Variants in MAP2K5 observed in about 807,000 individuals in gnomAD.
MAP2K5 encodes dual specificity mitogen-activated protein kinase kinase 5.
Under a neutral mutation model 83.1 loss-of-function variants are expected in MAP2K5, and 49 were observed. The ratio of observed to expected loss-of-function variants is 0.59; its 90% CI spans 0.47 to 0.75. The LOEUF is 0.75. Ranked by LOEUF, MAP2K5 falls within the 30% of genes least tolerant of loss-of-function variation. The pLI, the probability that MAP2K5 is intolerant of heterozygous loss-of-function variation, is 0.00. For synonymous variants in MAP2K5, 202 were observed against 191.8 expected (o/e 1.05, Z -0.44); for missense variants, 457 against 557.5 (o/e 0.82, Z 1.82).
At position 67,801,026 on chromosome 15, in the gene MAP2K5, TTTC is replaced by T. The variant is rs1424440196; in HGVS notation, c.1243-5617_1243-5615del. 1.5e-4 allele frequency among the ~76,000 whole-genome samples: 23 copies of T among 152,300 alleles called. No individual in the cohort carries two copies. Among genetic ancestry groups the T allele is most frequent in the Admixed American group, 1.3e-3 (20 of 15,302 alleles). On this transcript the variant is annotated intron_variant, in intron 21 of 21. Coordinates refer to ENST00000178640, the MANE Select transcript of MAP2K5 (RefSeq NM_145160.3). This position sits in a 1 kb window ranked among gnomAD's most constrained non-coding sequence, Gnocchi z 4.8. Reference sequence around the variant, plus strand: ...CGTTTTTAAAACTGTAGCTAAAAATTTTCTTAACAGAATTTGAAACCGCTGCAG... The same window carrying T: ...CGTTTTTAAAACTGTAGCTAAAAATTTTAACAGAATTTGAAACCGCTGCAG...
At position 67,549,382 on chromosome 15, in the gene MAP2K5, G is replaced by A. The variant is rs2084462932; in HGVS notation, c.136-652G>A. 2.0e-5 allele frequency among the ~76,000 whole-genome samples: 3 copies of A among 152,178 alleles called. 1 individual carries two copies. The South Asian group carries it at 6.2e-4, about 31-fold the overall frequency. ...ATTAAGTATGTTTTCTGTTGCTTAA[G>A]AGTAAAGGTTGATAAGAACTGTTTG... On this transcript the variant is annotated intron_variant, in intron 1 of 21. Transcript: ENST00000178640.
At chr15:67,731,991 CG>C (rs1219465273) in intron 17 of MAP2K5, among the ~76,000 whole-genome samples, 1 of 152,138 alleles carries the variant, frequency 6.6e-6, no homozygotes, top group Admixed American at 6.5e-5. Flanking sequence ...AGCAGAGTAA[CG>C]GGAGATCCAG....
rs965304066 is a variant in MAP2K5 at position 67,802,400 on chromosome 15, G to A, written c.1243-4246G>A. ...TGCCCAGGTGATGCCGGCACCTCCC[G>A]ACTCTCCCCTGTGTCCCACTTTTGG... On this transcript the variant is annotated intron_variant, in intron 21 of 21. Transcript: ENST00000178640. The surrounding 1 kb of genome is among the most constrained non-coding windows in gnomAD (Gnocchi z 5.0). Among the ~76,000 whole-genome samples the A allele has an allele frequency of 2.6e-5, 4 of 152,196 alleles. No individual in the cohort carries two copies. The highest frequency in any genetic ancestry group is 4.8e-5 in the African/African-American group (2 of 41,446).
In MAP2K5 at chr15:67,698,453, G is replaced by A. The variant is rs2088321337; in HGVS notation, c.973-4884G>A. 6.6e-6 allele frequency among the ~76,000 whole-genome samples: 1 copy of A among 152,128 alleles called. No individual in the cohort carries two copies. Among genetic ancestry groups the A allele is most frequent in the African/African-American group, 2.4e-5 (1 of 41,416 alleles). On this transcript the variant is annotated intron_variant, in intron 15 of 21. Transcript: ENST00000178640. This position sits in a 1 kb window ranked among gnomAD's most constrained non-coding sequence, Gnocchi z 4.5. ...GATCCACCCTCCTTGGCCTCCCAAAGTGCTGGGATTACAGGTGTGAGCCAC... is the reference window on the plus strand; with the variant it reads ...GATCCACCCTCCTTGGCCTCCCAAAATGCTGGGATTACAGGTGTGAGCCAC...
intron 17 of MAP2K5, among the ~76,000 whole-genome samples, chr15:67,732,442 T>C (rs528935552): frequency 2.6e-5 from 4 of 152,210 alleles, no homozygotes; most frequent in Non-Finnish European, 5.9e-5. Context: ...AAAGTGAAGA[T>C]AATACAGACA....
Position 67,747,643 on chromosome 15 carries a change from A to T in MAP2K5, c.1075-588A>T, listed in dbSNP as rs1336049865. Among the ~76,000 whole-genome samples the T allele has an allele frequency of 2.0e-5, 3 of 152,132 alleles. No homozygotes were observed. Among genetic ancestry groups the T allele is most frequent in the Non-Finnish European group, 2.9e-5 (2 of 68,014 alleles). On this transcript the variant is annotated intron_variant, in intron 17 of 21. Coordinates refer to ENST00000178640, the MANE Select transcript of MAP2K5 (RefSeq NM_145160.3). This position sits in a 1 kb window ranked among gnomAD's most constrained non-coding sequence, Gnocchi z 4.1. ...TCAGTGTGAAACTTCCATGAATTTG[A>T]TTTTCCCAGAGAGCATTGCTGCCCT...
chr15:67,666,171 T>C (rs139672899), intron 13 of MAP2K5, among the ~76,000 whole-genome samples: 5 of 152,304 alleles, frequency 3.3e-5, no homozygotes, highest in African/African-American at 7.2e-5. Context: ...GATCATCCTG[T>C]CTCTGGGCAT....
In MAP2K5 at chr15:67,748,445, A is replaced by G; in HGVS notation, c.1102-124A>G. 1.1e-6 allele frequency: 1 copy of G among 884,974 alleles called. No individual in the cohort carries two copies. Among genetic ancestry groups the G allele is most frequent in the Non-Finnish European group, 1.8e-6 (1 of 559,382 alleles). The allele number at this position is 884,974 out of a possible 1,614,324, so 54.8% of individuals were successfully genotyped here. On this transcript the variant is annotated intron_variant, in intron 18 of 21. Transcript: ENST00000178640. The surrounding 1 kb of genome is among the most constrained non-coding windows in gnomAD (Gnocchi z 4.0). ...ACCTCCTGAGCATCAATGTTTTTATAAGAGTTTGCTGTTGTTGATTAATCT... is the reference window on the plus strand; with the variant it reads ...ACCTCCTGAGCATCAATGTTTTTATGAGAGTTTGCTGTTGTTGATTAATCT...
intron 2 of MAP2K5, among the ~76,000 whole-genome samples, chr15:67,558,331 T>C (rs927211295): frequency 2.0e-5 from 3 of 152,194 alleles, no homozygotes; most frequent in Non-Finnish European, 2.9e-5. Flanking sequence ...TCCTGTTGGC[T>C]CTATCTTCAA....
Position 67,720,600 on chromosome 15 carries a change from G to A in MAP2K5, c.1045-7316G>A, listed in dbSNP as rs1219942197. ...TGGTAGCAGGAGAATTAGACGTAAA[G>A]GTACTAATGCCTGAGGGGTGGGTCA... On this transcript the variant is annotated intron_variant, in intron 16 of 21. Transcript: ENST00000178640. The surrounding 1 kb of genome is among the most constrained non-coding windows in gnomAD (Gnocchi z 5.7). Among the ~76,000 whole-genome samples the A allele has an allele frequency of 6.6e-6, 1 of 152,172 alleles. No homozygotes were observed. The highest frequency in any genetic ancestry group is 1.5e-5 in the Non-Finnish European group (1 of 68,030).
At chr15:67,585,187 C>T (rs2085264140) in intron 4 of MAP2K5, among the ~76,000 whole-genome samples, 2 of 151,758 alleles carry the variant, frequency 1.3e-5, no homozygotes, top group African/African-American at 4.8e-5. Flanking sequence ...TAGAAGCAGT[C>T]TATAACATGG....
chr15:67,635,220 C>G (rs1393814250), intron 9 of MAP2K5, among the ~76,000 whole-genome samples: 2 of 142,484 alleles, frequency 1.4e-5, no homozygotes, highest in East Asian at 4.1e-4. Flanking sequence ...GAGTCTCGCT[C>G]TGTCGCCTAG....
intron 11 of MAP2K5, among the ~76,000 whole-genome samples, chr15:67,647,111 CA>C (rs1224167230): frequency 6.6e-6 from 1 of 152,094 alleles, no homozygotes; most frequent in Admixed American, 6.6e-5. Flanking sequence ...TTAAATTTTA[CA>C]TATTCAGTTT....
chr15:67,600,850 A>G (rs1378873305), intron 8 of MAP2K5, 101 bp downstream of exon 8: 1 of 785,416 alleles, frequency 1.3e-6, no homozygotes, highest in Non-Finnish European at 2.0e-6. Flanking sequence ...TAACACTTAG[A>G]TTTTATTTCC....
At chr15:67,798,972 C>G (rs1045557614) in intron 21 of MAP2K5, among the ~76,000 whole-genome samples, 3 of 152,170 alleles carry the variant, frequency 2.0e-5, no homozygotes, top group Non-Finnish European at 2.9e-5. Context: ...GGTTCAAGAC[C>G]AGCCTGACCA....
At chr15:67,692,610 C>T in intron 14 of MAP2K5, 58 bp downstream of exon 14, 1 of 1,343,640 alleles carries the variant, frequency 7.4e-7, no homozygotes. Flanking sequence ...TTTATATTTT[C>T]ATTCTGTTCT....
chr15:67,804,405 G>A (rs573410147), intron 21 of MAP2K5, among the ~76,000 whole-genome samples: 4 of 152,320 alleles, frequency 2.6e-5, no homozygotes, highest in Admixed American at 2.0e-4. Flanking sequence ...AAAGTATCGG[G>A]GATACAACAT....
intron 1 of MAP2K5, chr15:67,546,026 C>CT (rs144115359): frequency 6.6e-6 from 1 of 152,284 alleles, no homozygotes; most frequent in Admixed American, 6.5e-5. Context: ...TGTCTGCACA[C>CT]TTTTGGCTAG....
intron 16 of MAP2K5, 129 bp from the exon 17 acceptor site, chr15:67,727,787 T>G (rs2089132602): frequency 1.3e-6 from 1 of 762,272 alleles, no homozygotes; most frequent in Non-Finnish European, 2.4e-6. Flanking sequence ...TAATTTAGTT[T>G]GTACATTCAA....
Sources: gnomAD v4.1 joint callset for allele counts (sites outside exome capture counted in the v4.1 genomes callset) on GRCh38, gnomAD v4.1.1 for gene constraint, Gnocchi (gnomAD v3.1) non-coding constraint, MANE v1.5 for transcripts, NCBI Gene and HGNC (gene_info 2026-07-23, HGNC 2026-07-21) for gene names.